RBAK: variants seen among roughly 807,000 people sequenced by gnomAD.
RBAK encodes RB associated KRAB zinc finger.
RBAK carries 39 observed loss-of-function variants against 65.8 expected under a neutral mutation model. The observed-to-expected ratio is 0.59, with a 90% CI of 0.46 to 0.77. RBAK has a LOEUF of 0.77. Ranked by LOEUF, RBAK falls within the 30% of genes least tolerant of loss-of-function variation. RBAK has a pLI of 0.00. For missense variants in RBAK, 884 were observed against 855.1 expected (o/e 1.03, Z -0.42); for synonymous variants, 343 against 289.7 (o/e 1.18, Z -1.87).
chr7:5,045,883 C>T lies in RBAK; in HGVS notation c.-558C>T, dbSNP rs974751705. On this transcript the variant is annotated 5_prime_UTR_variant, in exon 1 of 5. Transcript: ENST00000396912. Reference sequence around the variant, plus strand: ...GCACTGCCCTCGCTTCCTGTGCGTCCTCAGGTCACCGCTTGCTCTAGTTCC... The same window carrying T: ...GCACTGCCCTCGCTTCCTGTGCGTCTTCAGGTCACCGCTTGCTCTAGTTCC... 7 of 346,352 alleles carry T rather than the reference C, an allele frequency of 2.0e-5. No individual in the cohort carries two copies. Among genetic ancestry groups the T allele is most frequent in the African/African-American group, 2.3e-5 (1 of 43,358 alleles). The allele number at this position is 346,352 out of a possible 1,614,324, so 21.5% of individuals were successfully genotyped here.
intron 4 of RBAK, among the ~76,000 whole-genome samples, chr7:5,062,089 G>A (rs187559596): frequency 3.4e-4 from 51 of 152,142 alleles, no homozygotes; most frequent in Non-Finnish European, 6.6e-4. Flanking sequence ...TGCCACCATC[G>A]TAGTCTTGAT....
intron 4 of RBAK, among the ~76,000 whole-genome samples, chr7:5,059,746 G>C (rs1779022721): frequency 6.6e-6 from 1 of 152,108 alleles, no homozygotes; most frequent in Non-Finnish European, 1.5e-5. Flanking sequence ...TGATTTTACA[G>C]TCCGATAGGA....
Position 5,063,949 on chromosome 7 carries a change from T to C in RBAK, c.493T>C (p.Cys165Arg), listed in dbSNP as rs372799481. The change falls in exon 5 of 5, where the codon TGT becomes CGT. Residue 165 changes from cysteine (C) to arginine (R), a missense_variant. Transcript: ENST00000396912. ...GSYARTKPDE[C>R]NECGKTYHGE... ...CTATGCTAGGACAAAACCTGATGAGTGTAATGAATGTGGGAAAACATATCA... is the reference window on the plus strand; with the variant it reads ...CTATGCTAGGACAAAACCTGATGAGCGTAATGAATGTGGGAAAACATATCA... The C allele has an allele frequency of 4.8e-4, 780 of 1,614,038 alleles. 13 individuals carry two copies. In the South Asian group the frequency reaches 8.2e-3, roughly 17 times the overall value.
Position 5,064,284 on chromosome 7 carries a change from C to G in RBAK, c.828C>G (p.Phe276Leu). The G allele has an allele frequency of 2.5e-6, 4 of 1,614,114 alleles. No individual in the cohort carries two copies. The highest frequency in any genetic ancestry group is 3.4e-6 in the Non-Finnish European group (4 of 1,180,002). ...AATCCTTCTGTAAAAAGTCAAAATT[C>G]ATCATCCACCAGAGGGCTCACACAG... ...CGKSFCKKSKFIIHQRAHTGE... is the reference protein window; with the variant it reads ...CGKSFCKKSKLIIHQRAHTGE... The change falls in exon 5 of 5, where the codon TTC becomes TTG. Residue 276 changes from phenylalanine to leucine, a missense_variant. Physicochemically the swap from Phe to Leu is conservative, Grantham distance 22. Coordinates refer to ENST00000396912, the MANE Select transcript of RBAK (RefSeq NM_021163.4). The surrounding 1 kb of genome is among the most constrained non-coding windows in gnomAD (Gnocchi z 6.3).
At chr7:5,062,063 T>C (rs1208049403) in intron 4 of RBAK, among the ~76,000 whole-genome samples, 1 of 152,194 alleles carries the variant, frequency 6.6e-6, no homozygotes, top group Non-Finnish European at 1.5e-5. Flanking sequence ...TAGTAAGGCA[T>C]GGATTTTGGA....
At chr7:5,055,386 T>C (rs1583456304) in intron 2 of RBAK, among the ~76,000 whole-genome samples, 1 of 152,282 alleles carries the variant, frequency 6.6e-6, no homozygotes, top group East Asian at 1.9e-4. Flanking sequence ...GGGTGCAATA[T>C]TTATATTTGT....
rs1418012242 is a variant in RBAK, at chr7:5,064,149, G to C, written c.693G>C (p.Lys231Asn). 30 of 1,613,486 alleles carry C rather than the reference G, an allele frequency of 1.9e-5. No homozygotes were observed. Among genetic ancestry groups the C allele is most frequent in the Non-Finnish European group, 2.0e-5 (24 of 1,179,692 alleles). ...ATAAGAGAGCTTACATAGGGGAGAA[G>C]CCCTATGAGTGGAATGATTCTGGAC... ...IAHKRAYIGE[K>N]PYEWNDSGPD... The change falls in exon 5 of 5, where the codon AAG becomes AAC. Residue 231 changes from lysine (K) to asparagine (N), a missense_variant. Lys to Asn is a moderately conservative substitution (Grantham distance 94). Coordinates refer to ENST00000396912, the MANE Select transcript of RBAK (RefSeq NM_021163.4). The surrounding 1 kb of genome is among the most constrained non-coding windows in gnomAD (Gnocchi z 6.3).
chr7:5,048,758 A>G lies in RBAK; in HGVS notation c.15+667A>G, dbSNP rs1171493674. ...TAATTGGCTCACGCCTGCAGGCTCT[A>G]TCATAGGAAGCATGGCTGGGGAGGC... On this transcript the variant is annotated intron_variant, in intron 2 of 4. Coordinates refer to ENST00000396912, the MANE Select transcript of RBAK (RefSeq NM_021163.4). The surrounding 1 kb of genome is among the most constrained non-coding windows in gnomAD (Gnocchi z 4.4). 2.0e-5 allele frequency among the ~76,000 whole-genome samples: 3 copies of G among 151,858 alleles called. No homozygotes were observed. In the East Asian group the frequency reaches 5.8e-4, roughly 30 times the overall value.
rs568447021 is a variant in RBAK at position 5,057,387 on chromosome 7, G to A, written c.108G>A (p.Val36=). The part of the protein sequence containing the change: ...DPDEKITYRD[V]MLENYSHLVS... Reference sequence around the variant, plus strand: ...ATGAGAAGATAACTTACAGGGATGTGATGTTGGAGAACTATAGCCATCTAG... The same window carrying A: ...ATGAGAAGATAACTTACAGGGATGTAATGTTGGAGAACTATAGCCATCTAG... Residue 36 remains valine (V), a synonymous_variant, in exon 3 of 5, where the codon GTG becomes GTA. Coordinates refer to ENST00000396912, the MANE Select transcript of RBAK (RefSeq NM_021163.4). The A allele has an allele frequency of 6.2e-7, 1 of 1,614,110 alleles. No homozygotes were observed. The highest frequency in any genetic ancestry group is 8.5e-7 in the Non-Finnish European group (1 of 1,180,020).
rs1456411919 is a variant in RBAK, at chr7:5,065,279, C to G, written c.1823C>G (p.Ser608Ter). 1 of 1,614,004 alleles carries G rather than the reference C, an allele frequency of 6.2e-7. No individual in the cohort carries two copies. The highest frequency in any genetic ancestry group is 2.2e-5 in the East Asian group (1 of 44,868). The change falls in exon 5 of 5, where the codon TCA (serine) becomes TGA (stop). Residue 608 changes from serine (S) to a stop codon, truncating the protein, a stop_gained. Transcript: ENST00000396912. LOFTEE classifies it high-confidence loss of function. This position sits in a 1 kb window ranked among gnomAD's most constrained non-coding sequence, Gnocchi z 5.3. ...TGTGGAAAATTCTTCTCTCAGAAAT[C>G]ATATCTCACTATACATCATCGAATT... ...YECGKFFSQK[S>*]YLTIHHRIHS...
At chr7:5,059,903 A>G (rs986569760) in intron 4 of RBAK, among the ~76,000 whole-genome samples, 3 of 152,178 alleles carry the variant, frequency 2.0e-5, no homozygotes, top group Admixed American at 6.5e-5. Context: ...CTCTATGAGT[A>G]TAAACTCTGA....
chr7:5,057,362 A>C lies in RBAK; in HGVS notation c.83A>C (p.Asp28Ala). The C allele has an allele frequency of 5.0e-6, 8 of 1,614,038 alleles. No homozygotes were observed. The highest frequency in any genetic ancestry group is 5.9e-6 in the Non-Finnish European group (7 of 1,180,012). The change falls in exon 3 of 5, where the codon GAT becomes GCT. Residue 28 changes from aspartate (D) to alanine (A), a missense_variant. Coordinates refer to ENST00000396912, the MANE Select transcript of RBAK (RefSeq NM_021163.4). ...GAGGAGTGGCAGCAGCTGGACCCTG[A>C]TGAGAAGATAACTTACAGGGATGTG... ...TQEEWQQLDP[D>A]EKITYRDVML...
chr7:5,047,116 G>A (rs1470405166), intron 1 of RBAK, among the ~76,000 whole-genome samples: 2 of 152,206 alleles, frequency 1.3e-5, no homozygotes, highest in South Asian at 2.1e-4. Context: ...AAGAAAATGC[G>A]GGCCGGATGC....
chr7:5,063,477 C>CTGTG (rs71535175), intron 4 of RBAK, among the ~76,000 whole-genome samples: 7,055 of 147,198 alleles, frequency 0.048, 250 homozygotes, highest in African/African-American at 0.1. Context: ...AATTCTTTCA[C>CTGTG]TGTGTGTGTG....
rs752913988 is a variant in RBAK at position 5,057,752 on chromosome 7, G to A, written c.211G>A (p.Gly71Ser). 1.7e-5 allele frequency: 27 copies of A among 1,613,722 alleles called. No homozygotes were observed. The highest frequency in any genetic ancestry group is 2.2e-5 in the Non-Finnish European group (26 of 1,179,842). ...GGGAGAGGAGCCGTGGATAATGGGAGGTGAATTTCCATGTCAACATAGTCC... is the reference window on the plus strand; with the variant it reads ...GGGAGAGGAGCCGTGGATAATGGGAAGTGAATTTCCATGTCAACATAGTCC... ...EQGEEPWIMG[G>S]EFPCQHSPEA... Residue 71 changes from glycine to serine, a missense_variant, in exon 4 of 5, where the codon GGT (glycine) becomes AGT (serine). Transcript: ENST00000396912.
chr7:5,056,400 G>A (rs1788233497), intron 2 of RBAK, among the ~76,000 whole-genome samples: 1 of 151,912 alleles, frequency 6.6e-6, no homozygotes, highest in Admixed American at 6.6e-5. Flanking sequence ...TTATAGGCAT[G>A]AGCCACCATG....
rs1347622670 is a variant in RBAK at position 5,048,166 on chromosome 7, T to C, written c.15+75T>C. On this transcript the variant is annotated intron_variant, in intron 2 of 4. Transcript: ENST00000396912. This position sits in a 1 kb window ranked among gnomAD's most constrained non-coding sequence, Gnocchi z 4.4. ...ATTTTAAGAGGTTTGTAAGGATTCTTACCTTTTTTTTTTTCTTTTTTTTTG... is the reference window on the plus strand; with the variant it reads ...ATTTTAAGAGGTTTGTAAGGATTCTCACCTTTTTTTTTTTCTTTTTTTTTG... The C allele has an allele frequency of 1.8e-5, 29 of 1,588,170 alleles. 1 individual carries two copies. In the South Asian group the frequency reaches 2.9e-4, roughly 16 times the overall value.
chr7:5,064,748 G>A lies in RBAK; in HGVS notation c.1292G>A (p.Cys431Tyr), dbSNP rs1183541021. 6.2e-7 allele frequency: 1 copy of A among 1,614,120 alleles called. No individual in the cohort carries two copies. Among genetic ancestry groups the A allele is most frequent in the Non-Finnish European group, 8.5e-7 (1 of 1,179,970 alleles). Residue 431 changes from cysteine (C) to tyrosine (Y), a missense_variant, in exon 5 of 5, where the codon TGT (cysteine) becomes TAT (tyrosine). By Grantham distance (194) the Cys-to-Tyr change is radical. Transcript: ENST00000396912. The surrounding 1 kb of genome is among the most constrained non-coding windows in gnomAD (Gnocchi z 6.3). ...RTHTGEKPYQ[C>Y]SECGKFFSRV... ...CACACGGGAGAGAAGCCCTATCAGT[G>A]TAGCGAGTGTGGGAAATTCTTTTCT...
chr7:5,068,244 C>T lies in RBAK; in HGVS notation c.*2643C>T, dbSNP rs1346130084. ...TTGCTATTGTGTGAAAGCATCCATACACCATGCATTAAAAAAAAAATGAGC... is the reference window on the plus strand; with the variant it reads ...TTGCTATTGTGTGAAAGCATCCATATACCATGCATTAAAAAAAAAATGAGC... On this transcript the variant is annotated 3_prime_UTR_variant, in exon 5 of 5. Coordinates refer to ENST00000396912, the MANE Select transcript of RBAK (RefSeq NM_021163.4). 4.6e-5 allele frequency: 7 copies of T among 152,168 alleles called. No individual in the cohort carries two copies. Among genetic ancestry groups the T allele is most frequent in the African/African-American group, 7.2e-5 (3 of 41,520 alleles). 9.4% of individuals were successfully genotyped at this position (152,168 alleles called of 1,614,324 possible). A position where few individuals can be genotyped will look rare whatever the true frequency, so the allele number is the denominator to read the frequency against.
Sources: gnomAD v4.1 joint callset for allele counts (sites outside exome capture counted in the v4.1 genomes callset) on GRCh38, gnomAD v4.1.1 for gene constraint, Gnocchi (gnomAD v3.1) non-coding constraint, MANE v1.5 for transcripts, NCBI Gene and HGNC (gene_info 2026-07-23, HGNC 2026-07-21) for gene names.